The following COL5A1 variants were observed in gnomAD, a reference collection of about 807,000 sequenced individuals.
COL5A1 encodes collagen alpha-1(V) chain.
COL5A1 carries 16 observed loss-of-function variants against 263.7 expected under a neutral mutation model. That is an observed-to-expected ratio of 0.06 (90% CI 0.04 to 0.09). The LOEUF is 0.09. COL5A1 is among the 10% of genes least tolerant of loss of function. COL5A1 has a pLI of 1.00. For synonymous variants in COL5A1, 1,012 were observed against 1,004.5 expected (o/e 1.01, Z -0.14); for missense variants, 2,036 against 2,540.5 (o/e 0.80, Z 4.27).
At chr9:134,659,617 G>A (rs561393367) in intron 1 of COL5A1, among the ~76,000 whole-genome samples, 3 of 152,268 alleles carry the variant, frequency 2.0e-5, no homozygotes, top group Admixed American at 1.3e-4. Flanking sequence ...TGTGAAGTCC[G>A]GTGACCCCAC....
rs528098552 is a variant in COL5A1 at position 134,841,265 on chromosome 9, G to A, written c.5371-892G>A. 1.3e-5 allele frequency among the ~76,000 whole-genome samples: 2 copies of A among 152,300 alleles called. No homozygotes were observed. The highest frequency in any genetic ancestry group is 6.5e-5 in the Admixed American group (1 of 15,310). ...GGCTCCTGGTTTGCGGGAAAGGTGC[G>A]GCCTCCAGGGCCCTTGTCTTGGGGG... On this transcript the variant is annotated intron_variant, in intron 65 of 65. Coordinates refer to ENST00000371817, the MANE Select transcript of COL5A1 (RefSeq NM_000093.5). This position sits in a 1 kb window ranked among gnomAD's most constrained non-coding sequence, Gnocchi z 4.8.
chr9:134,643,328 G>T (rs1831365950), intron 1 of COL5A1, among the ~76,000 whole-genome samples: 1 of 152,122 alleles, frequency 6.6e-6, no homozygotes, highest in Non-Finnish European at 1.5e-5. Context: ...GCTGTGTGCT[G>T]CCAGGTCAGG....
At chr9:134,748,442 G>T (rs893684652) in intron 11 of COL5A1, among the ~76,000 whole-genome samples, 1 of 152,158 alleles carries the variant, frequency 6.6e-6, no homozygotes, top group Non-Finnish European at 1.5e-5. Context: ...CACATGCACT[G>T]CACAGACAGC....
At chr9:134,739,323 G>A (rs1367196108) in intron 11 of COL5A1, among the ~76,000 whole-genome samples, 1 of 152,240 alleles carries the variant, frequency 6.6e-6, no homozygotes, top group Non-Finnish European at 1.5e-5. Flanking sequence ...CCTGGTGGGC[G>A]CTCCAAGTAC....
intron 11 of COL5A1, among the ~76,000 whole-genome samples, chr9:134,749,016 A>C (rs1835678466): frequency 1.3e-5 from 2 of 152,342 alleles, no homozygotes; most frequent in South Asian, 4.1e-4. Flanking sequence ...AGGCGGGTGG[A>C]TCACGAGGTC....
intron 11 of COL5A1, among the ~76,000 whole-genome samples, chr9:134,748,046 C>T (rs1256814214): frequency 1.3e-5 from 2 of 151,748 alleles, no homozygotes; most frequent in Non-Finnish European, 1.5e-5. Context: ...CAGACACATG[C>T]ACACATGCAT....
intron 29 of COL5A1, among the ~76,000 whole-genome samples, chr9:134,782,969 C>T (rs527727422): frequency 1.3e-4 from 20 of 152,322 alleles, no homozygotes; most frequent in African/African-American, 4.3e-4. Context: ...CCAGCTCCTC[C>T]GCCCAGTGTC....
intron 4 of COL5A1, among the ~76,000 whole-genome samples, chr9:134,703,614 G>A (rs988481526): frequency 5.4e-5 from 8 of 149,340 alleles, no homozygotes; most frequent in African/African-American, 1.5e-4. Flanking sequence ...GGGAGGCCAC[G>A]CGGTGGCCTC....
At position 134,765,944 on chromosome 9, in the gene COL5A1, G is replaced by A. The variant is rs563891264; in HGVS notation, c.2088+210G>A. Among the ~76,000 whole-genome samples, 348 of 152,332 alleles carry A rather than the reference G, an allele frequency of 2.3e-3. No homozygotes were observed. Among genetic ancestry groups the A allele is most frequent in the Non-Finnish European group, 3.0e-3 (207 of 68,024 alleles). ...GGTGTGGCCTTGCAGGTGGAGGCCCGAGGCTGCCGGCCTCACGCCTCCGCT... is the reference window on the plus strand; with the variant it reads ...GGTGTGGCCTTGCAGGTGGAGGCCCAAGGCTGCCGGCCTCACGCCTCCGCT... On this transcript the variant is annotated intron_variant, in intron 21 of 65. Transcript: ENST00000371817. This position sits in a 1 kb window ranked among gnomAD's most constrained non-coding sequence, Gnocchi z 5.1.
Position 134,730,427 on chromosome 9 carries a change from T to C in COL5A1, c.1116T>C (p.Ala372=). The C allele has an allele frequency of 6.2e-7, 1 of 1,614,102 alleles. No homozygotes were observed. Among genetic ancestry groups the C allele is most frequent in the Non-Finnish European group, 8.5e-7 (1 of 1,180,038 alleles). ...ENPDQPTDPG[A]GAEIPTSTAD... ...CCGACCAGCCCACAGACCCAGGCGC[T>C]GGGGCCGAAATTCCCACCAGCACCG... The change falls in exon 7 of 66, where the codon GCT becomes GCC. Residue 372 remains alanine (A), a synonymous_variant. Coordinates refer to ENST00000371817, the MANE Select transcript of COL5A1 (RefSeq NM_000093.5).
Position 134,748,028 on chromosome 9 carries a change from TACACATGCAG to T in COL5A1, c.1495-2504_1495-2495del, listed in dbSNP as rs1475242586. 5.8e-3 allele frequency among the ~76,000 whole-genome samples: 700 copies of T among 120,062 alleles called. 7 individuals carry two copies. The highest frequency in any genetic ancestry group is 9.6e-3 in the Non-Finnish European group (535 of 55,956). The allele number at this position is 120,062 out of a possible 152,430, so 78.8% of individuals were successfully genotyped here. On this transcript the variant is annotated intron_variant, in intron 11 of 65. Coordinates refer to ENST00000371817, the MANE Select transcript of COL5A1 (RefSeq NM_000093.5). Reference sequence around the variant, plus strand: ...ACATGCATTCACACACATGCATTCATACACATGCAGACACATGCACACATGCATTCACACA... The same window carrying T: ...ACATGCATTCACACACATGCATTCATACACATGCACACATGCATTCACACA...
At chr9:134,701,428 ACCGG>A in intron 4 of COL5A1, 95 bp downstream of exon 4, 2 of 1,295,170 alleles carry the variant, frequency 1.5e-6, no homozygotes. Flanking sequence ...TCGGGCCGGG[ACCGG>A]CTGGCGGTCC....
intron 4 of COL5A1, among the ~76,000 whole-genome samples, chr9:134,715,563 C>G (rs1444833824): frequency 6.6e-6 from 1 of 152,160 alleles, no homozygotes; most frequent in Non-Finnish European, 1.5e-5. Flanking sequence ...TGGACAATAC[C>G]TGGCCTTCCT....
intron 14 of COL5A1, 106 bp downstream of exon 14, chr9:134,752,751 A>G (rs1835830704): frequency 3.4e-6 from 3 of 895,188 alleles, no homozygotes; most frequent in Admixed American, 2.0e-5. Context: ...GTGGACACAG[A>G]GCGGCCCTTG....
chr9:134,714,667 AGTGGTGGTGGTG>A (rs1323982157), intron 4 of COL5A1, among the ~76,000 whole-genome samples: 8 of 10,366 alleles, frequency 7.7e-4, no homozygotes, highest in African/African-American at 3.0e-3. Flanking sequence ...AGGCGATGAT[AGTGGTGGTGGTG>A]GTGATGCTGG....
At chr9:134,799,381 C>T (rs1838030214) in intron 37 of COL5A1, among the ~76,000 whole-genome samples, 2 of 152,228 alleles carry the variant, frequency 1.3e-5, no homozygotes, top group Admixed American at 1.3e-4. Flanking sequence ...CGTGCAGTGT[C>T]GGGTGACTTC....
rs556057748 is a variant in COL5A1, at chr9:134,700,824, G to A, written c.492-347G>A. Among the ~76,000 whole-genome samples the A allele has an allele frequency of 1.3e-5, 2 of 152,226 alleles. No homozygotes were observed. Among genetic ancestry groups the A allele is most frequent in the East Asian group, 1.9e-4 (1 of 5,164 alleles). ...TGCCATTCTCCCGATGGCTGTGACC[G>A]CACCGCAGGGACCACGCTCCCAGGG... On this transcript the variant is annotated intron_variant, in intron 3 of 65. Coordinates refer to ENST00000371817, the MANE Select transcript of COL5A1 (RefSeq NM_000093.5). The surrounding 1 kb of genome is among the most constrained non-coding windows in gnomAD (Gnocchi z 4.0).
rs1422885144 is a variant in COL5A1, at chr9:134,843,546, AG to A, written c.*1244del. The A allele has an allele frequency of 6.5e-6, 1 of 152,700 alleles. No individual in the cohort carries two copies. Among genetic ancestry groups the A allele is most frequent in the Non-Finnish European group, 1.5e-5 (1 of 68,090 alleles). 9.5% of individuals were successfully genotyped at this position (152,700 alleles called of 1,614,324 possible). ...TCCTTTCCACTGGGCAGGATAGCCA[AG>A]CACACTCCCTCCTGCGCTCTCCCGC... On this transcript the variant is annotated 3_prime_UTR_variant, in exon 66 of 66. Coordinates refer to ENST00000371817, the MANE Select transcript of COL5A1 (RefSeq NM_000093.5).
chr9:134,768,730 G>T (rs922764039), intron 25 of COL5A1, among the ~76,000 whole-genome samples: 2 of 152,236 alleles, frequency 1.3e-5, no homozygotes, highest in African/African-American at 4.8e-5. Context: ...TTAATTACCG[G>T]AAGTCAGGCC....
Sources: gnomAD v4.1 joint callset for allele counts (sites outside exome capture counted in the v4.1 genomes callset) on GRCh38, gnomAD v4.1.1 for gene constraint, Gnocchi (gnomAD v3.1) non-coding constraint, MANE v1.5 for transcripts, NCBI Gene and HGNC (gene_info 2026-07-23, HGNC 2026-07-21) for gene names.